Variants in DLGAP2 observed in about 807,000 individuals in gnomAD.
The protein encoded by DLGAP2 is DLG associated protein 2, also known as disks large-associated protein 2.
A neutral mutation model predicts 100.3 loss-of-function variants in DLGAP2; 26 were observed. That is an observed-to-expected ratio of 0.26 (90% CI 0.19 to 0.36). The LOEUF (loss-of-function observed/expected upper bound fraction) is 0.36, where lower values mean the gene tolerates loss of function less well. Ranked by LOEUF, DLGAP2 falls within the 10% of genes least tolerant of loss-of-function variation. The pLI, the probability that DLGAP2 is intolerant of heterozygous loss-of-function variation, is 1.00. For synonymous variants in DLGAP2, 886 were observed against 630.1 expected, an observed-to-expected ratio of 1.41 and a Z score of -6.08; for missense variants, 1,858 against 1,453.2, an observed-to-expected ratio of 1.28 and a Z score of -4.53.
At chr8:1,553,624 C>G (rs546717007) in intron 5 of DLGAP2, among the ~76,000 whole-genome samples, 2 of 152,314 alleles carry the variant, frequency 1.3e-5, no homozygotes, top group South Asian at 4.2e-4. Context: ...AGCATTCCCT[C>G]CCTGCGTGTA....
At chr8:805,407 C>T (rs567977871) in intron 1 of DLGAP2, among the ~76,000 whole-genome samples, 1 of 152,220 alleles carries the variant, frequency 6.6e-6, no homozygotes, top group East Asian at 1.9e-4. Flanking sequence ...ATGGTGCTTC[C>T]TCATCTTTGG....
intron 2 of DLGAP2, among the ~76,000 whole-genome samples, chr8:1,228,090 A>C (rs1798459411): frequency 6.7e-6 from 1 of 149,064 alleles, no homozygotes; most frequent in African/African-American, 2.4e-5. Context: ...GGGTGGGGGA[A>C]TGGGGGAGGG....
chr8:1,533,892 C>A (rs1017011214), intron 4 of DLGAP2, among the ~76,000 whole-genome samples: 1 of 152,028 alleles, frequency 6.6e-6, no homozygotes, highest in Non-Finnish European at 1.5e-5. Flanking sequence ...GAGTTTGAGG[C>A]GACAGTGAGC....
At chr8:776,911 C>A (rs1436470305) in intron 1 of DLGAP2, among the ~76,000 whole-genome samples, 1 of 152,006 alleles carries the variant, frequency 6.6e-6, no homozygotes, top group Non-Finnish European at 1.5e-5. Flanking sequence ...TCCTTGTTGA[C>A]TTTCTGTCTC....
chr8:1,296,431 C>T lies in DLGAP2; in HGVS notation c.106+37548C>T, dbSNP rs573035635. ...AAAATATGTCATGATTATCCAGATC[C>T]AAGGGAGGTGTTATCATTGGAGATT... is the stretch of plus-strand genomic sequence containing the variant. On this transcript the variant is annotated intron_variant, in intron 3 of 14. Transcript: ENST00000637795. 1.2e-3 allele frequency among the ~76,000 whole-genome samples: 188 copies of T among 152,220 alleles called. 2 individuals are homozygous for T. Among genetic ancestry groups the T allele is most frequent in the African/African-American group, 4.5e-3 (185 of 41,542 alleles).
chr8:1,565,793 C>T lies in DLGAP2; in HGVS notation c.1341C>T (p.Ser447=), dbSNP rs375184000. Residue 447 remains serine, a synonymous_variant, in exon 6 of 15, where the codon AGC becomes AGT. Coordinates refer to ENST00000637795, the MANE Select transcript of DLGAP2 (RefSeq NM_001346810.2). ...SYIKAMGDEE[S]GESDSSPKTS... ...TTAAAGCCATGGGGGACGAGGAGAG[C>T]GGAGAGTCAGACTCCAGCCCCAAGA... 9 of 1,613,626 alleles carry T rather than the reference C, an allele frequency of 5.6e-6. No homozygotes were observed. Among genetic ancestry groups the T allele is most frequent in the Middle Eastern group, 1.6e-4 (1 of 6,084 alleles).
At chr8:1,120,248 G>A (rs552118849) in intron 2 of DLGAP2, among the ~76,000 whole-genome samples, 15 of 152,174 alleles carry the variant, frequency 9.9e-5, no homozygotes, top group East Asian at 1.9e-4. Context: ...ACCCAGACAC[G>A]GAGGGGTCAA....
At chr8:1,609,436 A>G (rs1164510333) in intron 6 of DLGAP2, among the ~76,000 whole-genome samples, 13 of 138,120 alleles carry the variant, frequency 9.4e-5, no homozygotes, top group African/African-American at 3.1e-4. Context: ...CTGCAAAATC[A>G]TGCCAAAATG....
At chr8:866,980 TTTG>T (rs1384665602) in intron 1 of DLGAP2, among the ~76,000 whole-genome samples, 1 of 152,064 alleles carries the variant, frequency 6.6e-6, no homozygotes, top group Non-Finnish European at 1.5e-5. Flanking sequence ...TGTGCTGGGG[TTTG>T]TTCTCTCTCC....
intron 10 of DLGAP2, among the ~76,000 whole-genome samples, 153 bp downstream of exon 10, chr8:1,669,937 G>A (rs1169819664): frequency 6.6e-6 from 1 of 152,184 alleles, no homozygotes; most frequent in Non-Finnish European, 1.5e-5. Context: ...CCTTAGATGA[G>A]GACAAGGGGC....
chr8:1,081,919 C>T (rs544597239), intron 2 of DLGAP2, among the ~76,000 whole-genome samples: 1 of 152,262 alleles, frequency 6.6e-6, no homozygotes, highest in Admixed American at 6.5e-5. Context: ...GCCACTTACT[C>T]CCCAATCAGG....
chr8:1,098,409 C>T (rs1260652616), intron 2 of DLGAP2, among the ~76,000 whole-genome samples: 1 of 152,208 alleles, frequency 6.6e-6, no homozygotes, highest in East Asian at 1.9e-4. Flanking sequence ...GTGACTGGCT[C>T]CTCCTCACGA....
At chr8:1,590,508 G>A (rs569458657) in intron 6 of DLGAP2, among the ~76,000 whole-genome samples, 1 of 152,238 alleles carries the variant, frequency 6.6e-6, no homozygotes, top group Non-Finnish European at 1.5e-5. Context: ...AGGGAAGCAC[G>A]GATTACTCAG....
chr8:1,339,796 G>A (rs1585276093), intron 3 of DLGAP2, among the ~76,000 whole-genome samples: 1 of 152,168 alleles, frequency 6.6e-6, no homozygotes, highest in African/African-American at 2.4e-5. Flanking sequence ...AGCATGGAAG[G>A]CGATGGCTCA....
chr8:1,435,774 G>A (rs767223267), intron 3 of DLGAP2, among the ~76,000 whole-genome samples: 2 of 151,884 alleles, frequency 1.3e-5, no homozygotes, highest in African/African-American at 2.4e-5. Context: ...CCTAACAGTG[G>A]GACAGGAAGT....
intron 3 of DLGAP2, among the ~76,000 whole-genome samples, chr8:1,276,683 T>C (rs1799704953): frequency 6.6e-6 from 1 of 151,940 alleles, no homozygotes; most frequent in Non-Finnish European, 1.5e-5. Flanking sequence ...TCTGCTTGGA[T>C]GAGTAGAACA....
intron 1 of DLGAP2, among the ~76,000 whole-genome samples, chr8:801,337 G>A (rs1377647890): frequency 6.6e-6 from 1 of 152,164 alleles, no homozygotes; most frequent in Non-Finnish European, 1.5e-5. Context: ...TTAGGGCCTT[G>A]GATTCAGGTG....
chr8:1,580,800 C>G (rs1258505298), intron 6 of DLGAP2, among the ~76,000 whole-genome samples: 1 of 148,154 alleles, frequency 6.7e-6, no homozygotes, highest in African/African-American at 2.5e-5. Context: ...ATCTACACAC[C>G]ACAGTAAACT....
rs1563057773 is a variant in DLGAP2, at chr8:1,678,386, G to C, written c.2461G>C (p.Val821Leu). Residue 821 changes from valine (V) to leucine (L), a missense_variant, in exon 12 of 15, where the codon GTA becomes CTA. Coordinates refer to ENST00000637795, the MANE Select transcript of DLGAP2 (RefSeq NM_001346810.2). Reference protein sequence around the residue: ...TPTQYSAVRTVRTQGLFSYRE... With the variant: ...TPTQYSAVRTLRTQGLFSYRE... ...CACCCAGTACAGCGCGGTGAGAACT[G>C]TACGGACCCAGGGGCTCTTCAGCTA... The C allele has an allele frequency of 1.2e-6, 2 of 1,613,842 alleles. No homozygotes were observed. Among genetic ancestry groups the C allele is most frequent in the Admixed American group, 1.7e-5 (1 of 60,006 alleles).
Sources: allele counts gnomAD v4.1 joint callset (sites outside exome capture counted in the v4.1 genomes callset), GRCh38; gene constraint gnomAD v4.1.1; transcripts MANE v1.5; gene names NCBI Gene and HGNC (gene_info 2026-07-23, HGNC 2026-07-21).